AASS: variants seen among roughly 807,000 people sequenced by gnomAD.
The protein encoded by AASS is alpha-aminoadipic semialdehyde synthase, mitochondrial.
In AASS, 86 loss-of-function variants were observed where a neutral mutation model predicts 105.4. That is an observed-to-expected ratio of 0.82 (90% confidence interval 0.69 to 0.98). The LOEUF is 0.98. Among genes scored for constraint, AASS ranks in the 50% least tolerant of loss-of-function variants. The probability of loss-of-function intolerance (pLI) is 0.00; values close to 1 mark genes in which losing one functional copy is unlikely to be tolerated. For synonymous variants in AASS, 381 were observed against 394.8 expected (o/e 0.96, Z 0.41); for missense variants, 1,048 against 1,143.2 (o/e 0.92, Z 1.20).
intron 4 of AASS, among the ~76,000 whole-genome samples, chr7:122,119,464 G>A (rs890192373): frequency 1.3e-5 from 2 of 152,072 alleles, no homozygotes; most frequent in African/African-American, 2.4e-5. Flanking sequence ...TCTTCAGAAA[G>A]CTAAAATTCA....
rs1792961919 is a variant in AASS at position 122,075,587 on chromosome 7, T to C, written c.*902A>G. 1.3e-5 allele frequency: 2 copies of C among 152,332 alleles called. No individual in the cohort carries two copies. Among genetic ancestry groups the C allele is most frequent in the Admixed American group, 6.5e-5 (1 of 15,302 alleles). 9.4% of individuals were successfully genotyped at this position (152,332 alleles called of 1,614,324 possible). A position where few individuals can be genotyped will look rare whatever the true frequency, so the allele number is the denominator to read the frequency against. ...TTCTTCATAGATGCCCTTTATCAGG[T>C]TGAGGAAGTTTCCTTCTATTCCTAG... is the stretch of plus-strand genomic sequence containing the variant. On this transcript the variant is annotated 3_prime_UTR_variant, in exon 24 of 24. Coordinates refer to ENST00000417368, the MANE Select transcript of AASS (RefSeq NM_005763.4).
At chr7:122,080,838 A>C (rs1482877105) in intron 20 of AASS, among the ~76,000 whole-genome samples, 4 of 152,174 alleles carry the variant, frequency 2.6e-5, no homozygotes, top group African/African-American at 9.7e-5. Flanking sequence ...AATTAGCAAC[A>C]TTGGTCCTTT....
rs551702243 is a variant in AASS, at chr7:122,099,712, A to G, written c.1407-846T>C. ...GGGACTGAAGTAGGCTCTGTTATTT[A>G]GAATCTTTAGGCCATAATGTCTCTT... On this transcript the variant is annotated intron_variant, in intron 13 of 23. Coordinates refer to ENST00000417368, the MANE Select transcript of AASS (RefSeq NM_005763.4). 1.3e-5 allele frequency among the ~76,000 whole-genome samples: 2 copies of G among 152,044 alleles called. 1 individual carries two copies. The highest frequency in any genetic ancestry group is 2.9e-5 in the Non-Finnish European group (2 of 67,864).
At position 122,133,665 on chromosome 7, in the gene AASS, T is replaced by C; in HGVS notation, c.62A>G (p.His21Arg). Residue 21 changes from histidine (H) to arginine (R), a missense_variant, in exon 2 of 24, where the codon CAC becomes CGC. His to Arg is a conservative substitution (Grantham distance 29). Coordinates refer to ENST00000417368, the MANE Select transcript of AASS (RefSeq NM_005763.4). The part of the protein sequence containing the change: ...RLGVSLSKGL[H>R]HKAVLAVRRE... ...CCGGACGGCCAACACAGCTTTGTGG[T>C]GAAGACCCTTGGAGAGGCTGACCCC... is the stretch of plus-strand genomic sequence containing the variant. The C allele has an allele frequency of 6.2e-7, 1 of 1,614,154 alleles. No homozygotes were observed. Among genetic ancestry groups the C allele is most frequent in the East Asian group, 2.2e-5 (1 of 44,876 alleles).
Position 122,092,880 on chromosome 7 carries a change from A to G in AASS, c.1838T>C (p.Met613Thr). The stretch of plus-strand genomic sequence containing the variant: ...TTCCTTGGCTTTATCTATTGTTTCC[A>G]TTGCTAACATGTGATCCAGACCAGG... ...LDPGLDHMLA[M>T]ETIDKAKEVG... Residue 613 changes from methionine (M) to threonine (T), a missense_variant, in exon 17 of 24, where the codon ATG becomes ACG. Met to Thr is a moderately conservative substitution (Grantham distance 81). Transcript: ENST00000417368. 6.2e-7 allele frequency: 1 copy of G among 1,613,944 alleles called. No individual in the cohort carries two copies. The highest frequency in any genetic ancestry group is 2.2e-5 in the East Asian group (1 of 44,868).
intron 19 of AASS, among the ~76,000 whole-genome samples, chr7:122,084,011 T>C (rs1793504255): frequency 6.6e-6 from 1 of 152,162 alleles, no homozygotes; most frequent in Non-Finnish European, 1.5e-5. Context: ...TATTCAATGT[T>C]TAAATCTATT....
chr7:122,115,948 G>C (rs1230736247), intron 8 of AASS, among the ~76,000 whole-genome samples: 1 of 152,096 alleles, frequency 6.6e-6, no homozygotes, highest in Non-Finnish European at 1.5e-5. Flanking sequence ...ATCTGAAAAT[G>C]TTATGTTGGT....
At chr7:122,079,262 C>T in intron 21 of AASS, 1 of 1,351,914 alleles carries the variant, frequency 7.4e-7, no homozygotes, top group Non-Finnish European at 9.5e-7. Context: ...GGTATACCAG[C>T]AGGATGCCAC....
intron 11 of AASS, among the ~76,000 whole-genome samples, chr7:122,109,706 A>G (rs560918033): frequency 2.0e-5 from 3 of 152,134 alleles, no homozygotes; most frequent in Admixed American, 2.0e-4. Flanking sequence ...ACTAGAAGAA[A>G]AAAAAAACAC....
intron 4 of AASS, among the ~76,000 whole-genome samples, chr7:122,122,235 C>T (rs775641524): frequency 9.9e-5 from 15 of 151,662 alleles, no homozygotes; most frequent in Non-Finnish European, 1.8e-4. Context: ...GGGAATGTTC[C>T]GGTCATGATT....
chr7:122,114,800 G>C (rs912604970), intron 9 of AASS, among the ~76,000 whole-genome samples: 2 of 152,128 alleles, frequency 1.3e-5, no homozygotes, highest in Non-Finnish European at 2.9e-5. Flanking sequence ...CCAGTACCTT[G>C]GGAAGCCAAG....
chr7:122,079,247 CATT>C (rs1793190355), intron 21 of AASS: 3 of 1,360,656 alleles, frequency 2.2e-6, no homozygotes, highest in Admixed American at 3.1e-5. Flanking sequence ...AGTTCTCCAA[CATT>C]AGGTATACCA....
intron 18 of AASS, among the ~76,000 whole-genome samples, chr7:122,087,721 C>G (rs12706384): frequency 0.05 from 7,646 of 152,192 alleles, 255 homozygotes; most frequent in Middle Eastern, 0.095. Flanking sequence ...CAAACGTTGA[C>G]TTTTAGGGTC....
At position 122,073,669 on chromosome 7, in the gene AASS, A is replaced by G. The variant is rs142673563; in HGVS notation, c.*2820T>C. 4.0e-4 allele frequency among the ~76,000 whole-genome samples: 61 copies of G among 152,262 alleles called. No individual in the cohort carries two copies. The highest frequency in any genetic ancestry group is 1.3e-3 in the African/African-American group (55 of 41,556). ...TCAGAGTTGTGCCACCATTACCACA[A>G]TCAACTTTACAACGTTTACATCACC... On this transcript the variant is annotated 3_prime_UTR_variant, in exon 24 of 24. Coordinates refer to ENST00000417368, the MANE Select transcript of AASS (RefSeq NM_005763.4).
intron 11 of AASS, among the ~76,000 whole-genome samples, chr7:122,105,847 A>G (rs1794642418): frequency 6.6e-6 from 1 of 152,046 alleles, no homozygotes; most frequent in Non-Finnish European, 1.5e-5. Flanking sequence ...ACTGAACCCA[A>G]AATTAGTAGA....
chr7:122,139,271 G>T lies in AASS; in HGVS notation c.-16+4890C>A, dbSNP rs144893907. Among the ~76,000 whole-genome samples the T allele has an allele frequency of 4.1e-4, 62 of 152,248 alleles. No individual in the cohort carries two copies. The East Asian group carries it at 0.012, about 29-fold the overall frequency. On this transcript the variant is annotated intron_variant, in intron 1 of 23. Transcript: ENST00000417368. ...AAAAAAATATTTGGGGGCTACTTAA[G>T]ATATGCACGGCATGATGCACTTGGT... is the stretch of plus-strand genomic sequence containing the variant.
At chr7:122,130,608 A>AT (rs1795864266) in intron 2 of AASS, among the ~76,000 whole-genome samples, 1 of 152,008 alleles carries the variant, frequency 6.6e-6, no homozygotes, top group African/African-American at 2.4e-5. Context: ...TAACTAGTAC[A>AT]TGGAAGCAAC....
rs1331919250 is a variant in AASS at position 122,123,866 on chromosome 7, A to G, written c.472+2509T>C. ...GTAATCTACTAATACATTGTCCTAT[A>G]CAGAACTCATTTACTCCCTTCCTCC... is the stretch of plus-strand genomic sequence containing the variant. On this transcript the variant is annotated intron_variant, in intron 4 of 23. Transcript: ENST00000417368. 2.6e-5 allele frequency among the ~76,000 whole-genome samples: 4 copies of G among 152,278 alleles called. No homozygotes were observed. The East Asian group carries it at 7.7e-4, about 29-fold the overall frequency.
intron 4 of AASS, among the ~76,000 whole-genome samples, chr7:122,119,515 A>G (rs1259978507): frequency 1.3e-5 from 2 of 152,136 alleles, no homozygotes; most frequent in Non-Finnish European, 2.9e-5. Flanking sequence ...TTCTTTCCTT[A>G]TTCTTTTTAG....
Sources: gnomAD v4.1 joint callset for allele counts (sites outside exome capture counted in the v4.1 genomes callset) on GRCh38, gnomAD v4.1.1 for gene constraint, MANE v1.5 for transcripts, NCBI Gene and HGNC (gene_info 2026-07-23, HGNC 2026-07-21) for gene names.